BMPR1B: variants seen among roughly 807,000 people sequenced by gnomAD.
The protein encoded by BMPR1B is bone morphogenetic protein receptor type 1B.
BMPR1B carries 12 observed loss-of-function variants against 59.1 expected under a neutral mutation model. The observed-to-expected ratio is 0.20, with a 90% confidence interval of 0.13 to 0.33. BMPR1B has a LOEUF of 0.33. Ranked by LOEUF, BMPR1B falls within the 10% of genes least tolerant of loss-of-function variation. BMPR1B has a pLI of 1.00. For missense variants in BMPR1B, 550 were observed against 610.9 expected (o/e 0.90, Z 1.05); for synonymous variants, 237 against 207.3 (o/e 1.14, Z -1.23).
intron 2 of BMPR1B, among the ~76,000 whole-genome samples, chr4:94,970,064 A>G (rs1451894720): frequency 6.6e-6 from 1 of 152,200 alleles, no homozygotes; most frequent in African/African-American, 2.4e-5. Flanking sequence ...CTTATAAGCC[A>G]AGATTTTTTT....
intron 1 of BMPR1B, among the ~76,000 whole-genome samples, chr4:94,863,849 A>G (rs1463495914): frequency 6.6e-6 from 1 of 152,258 alleles, no homozygotes; most frequent in Non-Finnish European, 1.5e-5. Flanking sequence ...CCGAAACCGT[A>G]TCTGAATAAG....
intron 2 of BMPR1B, among the ~76,000 whole-genome samples, chr4:94,918,531 C>T (rs1212335176): frequency 6.6e-6 from 1 of 151,972 alleles, no homozygotes; most frequent in African/African-American, 2.4e-5. Context: ...AAAAAATTAG[C>T]CAGGCAGTGT....
intron 10 of BMPR1B, among the ~76,000 whole-genome samples, chr4:95,145,304 G>A (rs1285909677): frequency 6.6e-6 from 1 of 152,142 alleles, no homozygotes. Flanking sequence ...CGTGGGGTTG[G>A]AATTATTGTC....
intron 1 of BMPR1B, among the ~76,000 whole-genome samples, chr4:94,872,811 A>T (rs183302432): frequency 6.5e-4 from 99 of 152,360 alleles, no homozygotes; most frequent in African/African-American, 2.2e-3. Flanking sequence ...TACTTACATA[A>T]TGCTTTCTGT....
At chr4:95,121,051 G>A (rs557921089) in intron 6 of BMPR1B, among the ~76,000 whole-genome samples, 7 of 151,978 alleles carry the variant, frequency 4.6e-5, no homozygotes, top group South Asian at 4.1e-4. Context: ...CAGGTGATCC[G>A]CCCACCTTGG....
At chr4:95,109,274 TTGAATG>T (rs1297006936) in intron 4 of BMPR1B, among the ~76,000 whole-genome samples, 1 of 152,152 alleles carries the variant, frequency 6.6e-6, no homozygotes, top group East Asian at 1.9e-4. Context: ...ATAAATCAAA[TTGAATG>T]TTTGCACAAA....
At chr4:94,844,674 C>T (rs1175357542) in intron 1 of BMPR1B, among the ~76,000 whole-genome samples, 2 of 149,386 alleles carry the variant, frequency 1.3e-5, no homozygotes, top group Non-Finnish European at 3.0e-5. Context: ...GACTTCCCCC[C>T]GCTGCCCCGC....
intron 3 of BMPR1B, among the ~76,000 whole-genome samples, chr4:95,098,839 C>G (rs1167138833): frequency 1.3e-5 from 2 of 152,068 alleles, no homozygotes; most frequent in African/African-American, 4.8e-5. Flanking sequence ...GCCTCAGACT[C>G]CCGAGTAGCT....
chr4:94,760,563 G>T (rs557768086), intron 1 of BMPR1B, among the ~76,000 whole-genome samples: 1 of 152,186 alleles, frequency 6.6e-6, no homozygotes, highest in African/African-American at 2.4e-5. Flanking sequence ...TCTAAAGTCA[G>T]TTGTCACCTA....
Position 94,980,450 on chromosome 4 carries a change from A to C in BMPR1B, c.-112-15590A>C, listed in dbSNP as rs183062499. On this transcript the variant is annotated intron_variant, in intron 2 of 12. Coordinates refer to ENST00000515059, the MANE Select transcript of BMPR1B (RefSeq NM_001203.3). Reference sequence around the variant, plus strand: ...TTTTCTTCAGTGACATTGATGAGAAAAAAAATTGATTCCCAGCCAAGGCCC... The same window carrying C: ...TTTTCTTCAGTGACATTGATGAGAACAAAAATTGATTCCCAGCCAAGGCCC... Among the ~76,000 whole-genome samples, 105 of 152,246 alleles carry C rather than the reference A, an allele frequency of 6.9e-4. 2 individuals carry two copies. The East Asian group carries it at 0.02, about 29-fold the overall frequency.
In BMPR1B at chr4:95,047,941, G is replaced by C. The variant is rs570969875; in HGVS notation, c.-18+51807G>C. Among the ~76,000 whole-genome samples, 31 of 152,238 alleles carry C rather than the reference G, an allele frequency of 2.0e-4. No homozygotes were observed. The East Asian group carries it at 5.6e-3, about 27-fold the overall frequency. ...CCCAGTAGTTTTTCAACCCTTGGGA[G>C]CCTGCGTGTCTCCTTCCCCACTCCA... On this transcript the variant is annotated intron_variant, in intron 3 of 12. Coordinates refer to ENST00000515059, the MANE Select transcript of BMPR1B (RefSeq NM_001203.3).
At chr4:94,816,028 G>T (rs1385224235) in intron 1 of BMPR1B, among the ~76,000 whole-genome samples, 1 of 152,106 alleles carries the variant, frequency 6.6e-6, no homozygotes, top group African/African-American at 2.4e-5. Flanking sequence ...TCTTGGCTTT[G>T]TGTAGTTTCC....
chr4:94,877,953 T>C (rs543629309), intron 2 of BMPR1B, among the ~76,000 whole-genome samples: 165 of 152,324 alleles, frequency 1.1e-3, no homozygotes, highest in African/African-American at 3.5e-3. Flanking sequence ...TGCATGCACA[T>C]GTGTGCGTGT....
At chr4:94,944,496 A>T (rs1729633272) in intron 2 of BMPR1B, among the ~76,000 whole-genome samples, 1 of 152,150 alleles carries the variant, frequency 6.6e-6, no homozygotes. Context: ...TTCCCTGGAG[A>T]ACATGATTCA....
intron 1 of BMPR1B, among the ~76,000 whole-genome samples, chr4:94,827,229 C>T (rs1553909879): frequency 6.6e-6 from 1 of 152,074 alleles, no homozygotes; most frequent in Non-Finnish European, 1.5e-5. Context: ...AGTAGTTCCT[C>T]TGTCTTTGAC....
Position 94,917,090 on chromosome 4 carries a change from C to G in BMPR1B, c.-113+41190C>G, listed in dbSNP as rs1215835034. On this transcript the variant is annotated intron_variant, in intron 2 of 12. Transcript: ENST00000515059. Reference sequence around the variant, plus strand: ...GCCCAGAACGAAAGAGTGAAGAATGCTTGGCAGCCTCTGCCTATATTTCAG... The same window carrying G: ...GCCCAGAACGAAAGAGTGAAGAATGGTTGGCAGCCTCTGCCTATATTTCAG... 2.6e-5 allele frequency among the ~76,000 whole-genome samples: 4 copies of G among 152,244 alleles called. No homozygotes were observed. In the East Asian group the frequency reaches 7.7e-4, roughly 29 times the overall value.
intron 3 of BMPR1B, among the ~76,000 whole-genome samples, chr4:95,030,632 G>T (rs999010317): frequency 1.6e-4 from 24 of 152,002 alleles, no homozygotes; most frequent in Non-Finnish European, 2.6e-4. Context: ...CATTGTCTCA[G>T]CCCAAAATCT....
intron 3 of BMPR1B, among the ~76,000 whole-genome samples, chr4:95,025,682 A>G (rs933725949): frequency 3.9e-5 from 6 of 152,150 alleles, no homozygotes; most frequent in Non-Finnish European, 2.9e-5. Flanking sequence ...GAGTGGGACA[A>G]ATTTTGGAGT....
chr4:95,084,258 A>G (rs1729393960), intron 3 of BMPR1B, among the ~76,000 whole-genome samples: 3 of 151,140 alleles, frequency 2.0e-5, no homozygotes, highest in African/African-American at 7.3e-5. Flanking sequence ...TATATTTTAT[A>G]TATTCAGTAC....
Sources: allele counts gnomAD v4.1 joint callset (sites outside exome capture counted in the v4.1 genomes callset), GRCh38; gene constraint gnomAD v4.1.1; transcripts MANE v1.5; gene names NCBI Gene and HGNC (gene_info 2026-07-23, HGNC 2026-07-21).